The following ASTN2 variants were observed in gnomAD, a reference collection of about 807,000 sequenced individuals.
ASTN2 encodes the protein astrotactin-2.
A neutral mutation model predicts 139.8 loss-of-function variants in ASTN2; 54 were observed. That is an observed-to-expected ratio of 0.39 (90% confidence interval 0.31 to 0.48). The LOEUF is 0.48. Among genes scored for constraint, ASTN2 ranks in the 20% least tolerant of loss-of-function variants. The pLI is 0.95. For missense variants in ASTN2, 1,565 were observed against 1,725.1 expected, an observed-to-expected ratio of 0.91 and a Z score of 1.64; for synonymous variants, 756 against 719.5, an observed-to-expected ratio of 1.05 and a Z score of -0.81.
rs772818993 is a variant in ASTN2, at chr9:117,396,501, CTTTTTAT to C, written c.442+17989_442+17995del. ...TTACAAAACTTAAAGAAATAGTTTA[CTTTTTAT>C]TTTTTATTTTTGTGTGTATATTGTA... On this transcript the variant is annotated intron_variant, in intron 1 of 22. Coordinates refer to ENST00000313400, the MANE Select transcript of ASTN2 (RefSeq NM_001365068.1). Among the ~76,000 whole-genome samples the C allele has an allele frequency of 1.6e-4, 24 of 152,170 alleles. 1 individual carries two copies. Among genetic ancestry groups the C allele is most frequent in the Non-Finnish European group, 2.2e-4 (15 of 68,000 alleles).
At position 117,141,473 on chromosome 9, in the gene ASTN2, C is replaced by T. The variant is rs756371145; in HGVS notation, c.1021G>A (p.Ala341Thr). Reference sequence around the variant, plus strand: ...TCCACTGTCTCCTGAGTCGCCTCAGCTGCTGCTATAAGGTAGCAATGGGGC... The same window carrying T: ...TCCACTGTCTCCTGAGTCGCCTCAGTTGCTGCTATAAGGTAGCAATGGGGC... ...EKVDFEKKAA[A>T]EATQETVESL... The change falls in exon 4 of 23, where the codon GCT becomes ACT. Residue 341 changes from alanine to threonine, a missense_variant. Coordinates refer to ENST00000313400, the MANE Select transcript of ASTN2 (RefSeq NM_001365068.1). The T allele has an allele frequency of 7.3e-7, 1 of 1,366,962 alleles. No individual in the cohort carries two copies. The highest frequency in any genetic ancestry group is 9.8e-7 in the Non-Finnish European group (1 of 1,021,778). The allele number at this position is 1,366,962 out of a possible 1,614,324, so 84.7% of individuals were successfully genotyped here.
At chr9:117,205,272 A>C (rs1278165184) in intron 3 of ASTN2, among the ~76,000 whole-genome samples, 1 of 139,218 alleles carries the variant, frequency 7.2e-6, no homozygotes, top group Non-Finnish European at 1.6e-5. Flanking sequence ...GATTTGAGAG[A>C]ATCTCAGAAG....
chr9:117,208,352 T>C (rs1423432204), intron 3 of ASTN2, among the ~76,000 whole-genome samples: 6 of 150,798 alleles, frequency 4.0e-5, no homozygotes, highest in Non-Finnish European at 5.9e-5. Context: ...AAGAATTCAA[T>C]GAAGAAAGTA....
intron 4 of ASTN2, among the ~76,000 whole-genome samples, chr9:117,117,136 CAGAG>C: frequency 1.3e-5 from 2 of 152,064 alleles, no homozygotes; most frequent in Admixed American, 1.3e-4. Flanking sequence ...AAGTGAAAAA[CAGAG>C]AGGGGCTCAT....
chr9:116,829,243 T>C (rs1482094560), intron 11 of ASTN2, among the ~76,000 whole-genome samples: 1 of 151,294 alleles, frequency 6.6e-6, no homozygotes, highest in Non-Finnish European at 1.5e-5. Context: ...AATCACATTA[T>C]CTGACTTCAA....
rs1168259857 is a variant in ASTN2, at chr9:117,180,722, A to G, written c.1015+33636T>C. The G allele has an allele frequency of 5.7e-6, 9 of 1,587,658 alleles. No individual in the cohort carries two copies. The African/African-American group carries it at 9.6e-5, about 17-fold the overall frequency. ...AGCCCTCATGAGTGCAGGGCCCGCC[A>G]CTTGTCCAGAGGGCCACGACTGGGG... On this transcript the variant is annotated intron_variant, in intron 3 of 22. Transcript: ENST00000313400.
At chr9:116,605,661 G>A (rs1310884130) in intron 19 of ASTN2, among the ~76,000 whole-genome samples, 1 of 152,050 alleles carries the variant, frequency 6.6e-6, no homozygotes, top group African/African-American at 2.4e-5. Flanking sequence ...ACAAAGAAGT[G>A]GGAAGCCTGA....
At chr9:117,328,926 A>T (rs1427316348) in intron 1 of ASTN2, among the ~76,000 whole-genome samples, 1 of 152,218 alleles carries the variant, frequency 6.6e-6, no homozygotes, top group Non-Finnish European at 1.5e-5. Context: ...GTTAAAGGGA[A>T]AGGAAGATGA....
intron 3 of ASTN2, among the ~76,000 whole-genome samples, chr9:117,198,125 T>G (rs1172478818): frequency 1.3e-5 from 2 of 152,112 alleles, no homozygotes; most frequent in Non-Finnish European, 2.9e-5. Flanking sequence ...TAGGTATACA[T>G]GTGCCTTGGT....
rs573636116 is a variant in ASTN2, at chr9:116,977,711, T to G, written c.1592-926A>C. Among the ~76,000 whole-genome samples, 16 of 68,218 alleles carry G rather than the reference T, an allele frequency of 2.3e-4. No homozygotes were observed. In the South Asian group the frequency reaches 0.011, roughly 48 times the overall value. The allele number at this position is 68,218 out of a possible 152,430, so 44.8% of individuals were successfully genotyped here. On this transcript the variant is annotated intron_variant, in intron 7 of 22. Transcript: ENST00000313400. ...TGTATACTTAAGGTATAGAATTTCT[T>G]TTTCTTTTTTTTTTTTTTTTTGAGA... is the stretch of plus-strand genomic sequence containing the variant.
chr9:116,672,557 A>T (rs1859261913), intron 16 of ASTN2, among the ~76,000 whole-genome samples: 1 of 152,198 alleles, frequency 6.6e-6, no homozygotes, highest in Admixed American at 6.5e-5. Flanking sequence ...AATAATAACT[A>T]CATTAACAGC....
intron 10 of ASTN2, among the ~76,000 whole-genome samples, chr9:116,884,408 C>T (rs1191191544): frequency 6.6e-6 from 1 of 152,136 alleles, no homozygotes; most frequent in African/African-American, 2.4e-5. Context: ...AAAATTAAGA[C>T]ATCAGTAGAG....
intron 5 of ASTN2, among the ~76,000 whole-genome samples, chr9:117,065,900 T>C (rs1827923482): frequency 6.6e-6 from 1 of 152,160 alleles, no homozygotes; most frequent in Admixed American, 6.5e-5. Context: ...ACTTTCTTCG[T>C]AAGTATCTTA....
In ASTN2 at chr9:116,462,832, C is replaced by G. The variant is rs1250365551; in HGVS notation, c.3498-20279G>C. On this transcript the variant is annotated intron_variant, in intron 20 of 22. Transcript: ENST00000313400. ...TGTGTGTGTGTGTGTGTGTGTGTGTCTGCCCATATATACAATTTGCATATG... is the reference window on the plus strand; with the variant it reads ...TGTGTGTGTGTGTGTGTGTGTGTGTGTGCCCATATATACAATTTGCATATG... 1.2e-4 allele frequency among the ~76,000 whole-genome samples: 15 copies of G among 122,026 alleles called. No individual in the cohort carries two copies. The East Asian group carries it at 2.1e-3, about 17-fold the overall frequency. The allele number at this position is 122,026 out of a possible 152,430, so 80.1% of individuals were successfully genotyped here. A position where few individuals can be genotyped will look rare whatever the true frequency, so the allele number is the denominator to read the frequency against.
At chr9:117,017,268 A>G in intron 6 of ASTN2, among the ~76,000 whole-genome samples, 1 of 151,796 alleles carries the variant, frequency 6.6e-6, no homozygotes, top group East Asian at 1.9e-4. Flanking sequence ...TATTTTTTGA[A>G]CTCTTTTTAT....
At chr9:116,446,338 C>T (rs1400889860) in intron 20 of ASTN2, among the ~76,000 whole-genome samples, 2 of 148,108 alleles carry the variant, frequency 1.4e-5, no homozygotes, top group African/African-American at 5.0e-5. Flanking sequence ...TTCTTGAGAT[C>T]AGAAAGGGTG....
chr9:116,977,069 T>C (rs753749997), intron 7 of ASTN2, among the ~76,000 whole-genome samples: 2 of 152,116 alleles, frequency 1.3e-5, no homozygotes, highest in Non-Finnish European at 1.5e-5. Flanking sequence ...CTAAAGGAGC[T>C]CACAACTTAA....
At chr9:116,579,739 A>G (rs1853871845) in intron 19 of ASTN2, among the ~76,000 whole-genome samples, 1 of 152,188 alleles carries the variant, frequency 6.6e-6, no homozygotes, top group African/African-American at 2.4e-5. Flanking sequence ...AATACATAAA[A>G]TAAAATAACC....
chr9:116,756,686 G>A (rs1829540355), intron 13 of ASTN2, among the ~76,000 whole-genome samples: 1 of 151,902 alleles, frequency 6.6e-6, no homozygotes, highest in Admixed American at 6.6e-5. Flanking sequence ...CAGCTGGAAA[G>A]TTAGCTCAAT....
Sources: allele counts gnomAD v4.1 joint callset (sites outside exome capture counted in the v4.1 genomes callset), GRCh38; gene constraint gnomAD v4.1.1; transcripts MANE v1.5; gene names NCBI Gene and HGNC (gene_info 2026-07-23, HGNC 2026-07-21).